The following CDK11B variants were observed in gnomAD, a reference collection of about 807,000 sequenced individuals.
CDK11B encodes cyclin dependent kinase 11B.
A neutral mutation model predicts 84.0 loss-of-function variants in CDK11B; 37 were observed. That is an observed-to-expected ratio of 0.44 (90% confidence interval 0.34 to 0.58). The LOEUF (loss-of-function observed/expected upper bound fraction) is 0.58, where lower values mean the gene tolerates loss of function less well. CDK11B is among the 20% of genes least tolerant of loss of function. The pLI is 0.02. For missense variants in CDK11B, 427 were observed against 834.0 expected (o/e 0.51, Z 6.01); for synonymous variants, 269 against 309.8 (o/e 0.87, Z 1.38).
chr1:1,651,149 C>G (rs1464248790), intron 4 of CDK11B, among the ~76,000 whole-genome samples: 1 of 152,192 alleles, frequency 6.6e-6, no homozygotes, highest in Non-Finnish European at 1.5e-5. Flanking sequence ...GATGTTGGTA[C>G]GAGATCAAAC....
chr1:1,636,637 C>T (rs371147698), intron 17 of CDK11B, 45 bp downstream of exon 17: 1 of 1,612,214 alleles, frequency 6.2e-7, no homozygotes, highest in African/African-American at 1.3e-5. Flanking sequence ...ATTCCTGCAA[C>T]TCCTCCACAA....
intron 3 of CDK11B, among the ~76,000 whole-genome samples, chr1:1,653,601 G>A (rs1341815311): frequency 5.9e-5 from 9 of 151,876 alleles, no homozygotes; most frequent in Admixed American, 2.0e-4. Flanking sequence ...GATTACAGGC[G>A]CGAGCTACTG....
In CDK11B at chr1:1,657,421, C is replaced by A; in HGVS notation, c.65G>T (p.Arg22Leu). The A allele has an allele frequency of 6.4e-7, 1 of 1,564,396 alleles. No homozygotes were observed. Among genetic ancestry groups the A allele is most frequent in the Non-Finnish European group, 8.7e-7 (1 of 1,155,420 alleles). Residue 22 changes from arginine to leucine, a missense_variant, in exon 2 of 20, where the codon CGA becomes CTA. Arg to Leu is a moderately radical substitution (Grantham distance 102). Coordinates refer to ENST00000341832, the MANE Select transcript of CDK11B (RefSeq NM_033486.3). Reference protein sequence around the residue: ...TLDEILQEKKRRKEQEEKAEI... With the variant: ...TLDEILQEKKLRKEQEEKAEI... Reference sequence around the variant, plus strand: ...TGCTTTCTCCTCTTGTTCCTTCCTTCGTTTCTTTTCCTGAAGAATTTCATC... The same window carrying A: ...TGCTTTCTCCTCTTGTTCCTTCCTTAGTTTCTTTTCCTGAAGAATTTCATC...
At chr1:1,654,668 T>C (rs1308356487) in intron 3 of CDK11B, among the ~76,000 whole-genome samples, 1 of 151,776 alleles carries the variant, frequency 6.6e-6, no homozygotes, top group Non-Finnish European at 1.5e-5. Flanking sequence ...TTTCCTTTTT[T>C]TTTTTTTAGA....
chr1:1,643,502 C>T (rs1640564691), intron 6 of CDK11B, among the ~76,000 whole-genome samples: 1 of 150,128 alleles, frequency 6.7e-6, no homozygotes, highest in Non-Finnish European at 1.5e-5. Context: ...AGCCAACAGA[C>T]ACGGTTCCTG....
chr1:1,652,504 G>GC lies in CDK11B; in HGVS notation c.289dup (p.Ala97GlyfsTer7). 6.6e-7 allele frequency: 1 copy of GC among 1,510,786 alleles called. No individual in the cohort carries two copies. 93.6% of individuals were successfully genotyped at this position (1,510,786 alleles called of 1,614,324 possible). ...TCTCTTTTCATCTTTTCTGTGATGAGCTTTTTCTTTCCGAGACATTTGCTG... is the reference window on the plus strand; with the variant it reads ...TCTCTTTTCATCTTTTCTGTGATGAGCCTTTTTCTTTCCGAGACATTTGCTG... On this transcript the variant is annotated frameshift_variant, in exon 4 of 20. Coordinates refer to ENST00000341832, the MANE Select transcript of CDK11B (RefSeq NM_033486.3). LOFTEE classifies it high-confidence loss of function.
At position 1,657,476 on chromosome 1, in the gene CDK11B, C is replaced by T; in HGVS notation, c.10G>A (p.Glu4Lys). Residue 4 changes from glutamate (E) to lysine (K), a missense_variant, in exon 2 of 20, where the codon GAA becomes AAA. Around this residue, in one of 12 missense-constraint regions of CDK11B, gnomAD observed 11 missense variants for 38.0 expected, o/e 0.29. Transcript: ENST00000341832. ...GTTTTCACTTTCCAAGAGTCCTTTT[C>T]ATCACCCATTTGAGTTAAAACACTG... is the stretch of plus-strand genomic sequence containing the variant. MGDEKDSWKVKTLD... is the reference protein window; with the variant it reads MGDKKDSWKVKTLD... 6.5e-7 allele frequency: 1 copy of T among 1,539,162 alleles called. No individual in the cohort carries two copies. Among genetic ancestry groups the T allele is most frequent in the Non-Finnish European group, 8.8e-7 (1 of 1,142,556 alleles).
chr1:1,656,783 A>G (rs34278494), intron 2 of CDK11B, among the ~76,000 whole-genome samples: 8,839 of 152,276 alleles, frequency 0.058, 817 homozygotes, highest in African/African-American at 0.2. Flanking sequence ...AGCACATGCT[A>G]TTGGAAAAAT....
chr1:1,657,950 G>A (rs1164769538), intron 1 of CDK11B, among the ~76,000 whole-genome samples: 6 of 149,814 alleles, frequency 4.0e-5, no homozygotes, highest in East Asian at 1.9e-4. Flanking sequence ...TGAGGCGGGT[G>A]GATCACAAGG....
At position 1,635,545 on chromosome 1, in the gene CDK11B, C is replaced by A. The variant is rs1338930299; in HGVS notation, c.*219G>T. ...CCCCACGTGGGCACCCGAAGATGTC[C>A]ACCCTCTCCGCCCTGGGCAAGTCAC... On this transcript the variant is annotated 3_prime_UTR_variant, in exon 20 of 20. Transcript: ENST00000341832. 1.2e-5 allele frequency: 6 copies of A among 493,504 alleles called. 2 individuals are homozygous for A. The highest frequency in any genetic ancestry group is 2.1e-5 in the Non-Finnish European group (6 of 289,672). The allele number at this position is 493,504 out of a possible 1,614,324, so 30.6% of individuals were successfully genotyped here.
chr1:1,648,103 G>A (rs1296178719), intron 5 of CDK11B, among the ~76,000 whole-genome samples: 1 of 152,246 alleles, frequency 6.6e-6, no homozygotes, highest in Non-Finnish European at 1.5e-5. Flanking sequence ...CGGTCCTCTG[G>A]CCTTAGCCTC....
intron 4 of CDK11B, among the ~76,000 whole-genome samples, chr1:1,650,929 C>G (rs1471611640): frequency 9.2e-5 from 14 of 152,110 alleles, no homozygotes; most frequent in Non-Finnish European, 1.5e-4. Flanking sequence ...TAATATTCGT[C>G]TTTTAAAACT....
Position 1,640,256 on chromosome 1 carries a change from G to A in CDK11B, c.1251+21C>T, listed in dbSNP as rs746188484. On this transcript the variant is annotated intron_variant, in intron 11 of 19. Coordinates refer to ENST00000341832, the MANE Select transcript of CDK11B (RefSeq NM_033486.3). Reference sequence around the variant, plus strand: ...CGACTGCCAATGCGGACAGTGGCCCGGGGCGAGGGGAGGGCCTGACCTGCA... The same window carrying A: ...CGACTGCCAATGCGGACAGTGGCCCAGGGCGAGGGGAGGGCCTGACCTGCA... 3.0e-5 allele frequency: 49 copies of A among 1,611,724 alleles called. 1 individual carries two copies. The highest frequency in any genetic ancestry group is 3.3e-4 in the Middle Eastern group (2 of 5,992).
intron 11 of CDK11B, among the ~76,000 whole-genome samples, 185 bp from the exon 12 acceptor site, chr1:1,638,775 C>A (rs1393556443): frequency 3.9e-5 from 6 of 152,242 alleles, no homozygotes; most frequent in African/African-American, 1.2e-4. Context: ...AACCATCTGA[C>A]ACTTTATTAT....
At chr1:1,646,198 G>C in intron 5 of CDK11B, 1 of 386,374 alleles carries the variant, frequency 2.6e-6, no homozygotes, top group Non-Finnish European at 5.2e-6. Flanking sequence ...AATCTGCCCT[G>C]TCTGTTTGGG....
intron 5 of CDK11B, among the ~76,000 whole-genome samples, chr1:1,649,225 A>G (rs1211802769): frequency 2.0e-5 from 3 of 151,842 alleles, no homozygotes; most frequent in Admixed American, 2.0e-4. Flanking sequence ...TCAGCCTCCC[A>G]AGTAGCTGGG....
At chr1:1,648,926 G>A (rs1351856914) in intron 5 of CDK11B, among the ~76,000 whole-genome samples, 3 of 151,380 alleles carry the variant, frequency 2.0e-5, no homozygotes, top group Non-Finnish European at 4.4e-5. Flanking sequence ...GAGCCACCGC[G>A]CCCGGCCGGA....
Position 1,635,631 on chromosome 1 carries a change from A to G in CDK11B, c.*133T>C, listed in dbSNP as rs1454187436. On this transcript the variant is annotated 3_prime_UTR_variant, in exon 20 of 20. Coordinates refer to ENST00000341832, the MANE Select transcript of CDK11B (RefSeq NM_033486.3). The stretch of plus-strand genomic sequence containing the variant: ...AATGATTTAATTCTACAAATTTACA[A>G]ACCAAAATACAAAAACAAAACATGG... 9.7e-6 allele frequency: 4 copies of G among 412,102 alleles called. 1 individual carries two copies. In the East Asian group the frequency reaches 2.2e-4, roughly 23 times the overall value. 25.5% of individuals were successfully genotyped at this position (412,102 alleles called of 1,614,324 possible).
At chr1:1,648,453 G>C in intron 5 of CDK11B, among the ~76,000 whole-genome samples, 1 of 151,850 alleles carries the variant, frequency 6.6e-6, no homozygotes, top group Non-Finnish European at 1.5e-5. Flanking sequence ...GCATCAACAA[G>C]AACCAGCGCC....
Sources: gnomAD v4.1 joint callset for allele counts (sites outside exome capture counted in the v4.1 genomes callset) on GRCh38, gnomAD v4.1.1 for gene constraint, gnomAD v4.1.1 regional missense constraint, MANE v1.5 for transcripts, NCBI Gene and HGNC (gene_info 2026-07-23, HGNC 2026-07-21) for gene names.